Variants in BNC2 observed in about 807,000 individuals in gnomAD.
The protein encoded by BNC2 is basonuclin zinc finger protein 2, also known as zinc finger protein basonuclin-2.
BNC2 carries 20 observed loss-of-function variants against 76.3 expected under a neutral mutation model. That is an observed-to-expected ratio of 0.26 (90% CI 0.18 to 0.38). The LOEUF (loss-of-function observed/expected upper bound fraction) is 0.38. Ranked by LOEUF, BNC2 falls within the 10% of genes least tolerant of loss-of-function variation. BNC2 has a pLI of 1.00. For synonymous variants in BNC2, 582 were observed against 514.8 expected, an observed-to-expected ratio of 1.13 and a Z score of -1.77; for missense variants, 1,382 against 1,399.8, an observed-to-expected ratio of 0.99 and a Z score of 0.20.
chr9:16,782,439 C>G (rs1826180232), intron 1 of BNC2, among the ~76,000 whole-genome samples: 2 of 151,964 alleles, frequency 1.3e-5, no homozygotes, highest in Admixed American at 6.6e-5. Context: ...TTTTCTGAGC[C>G]AAAATGAGAG....
At chr9:16,618,181 G>A (rs1164973405) in intron 3 of BNC2, among the ~76,000 whole-genome samples, 1 of 152,136 alleles carries the variant, frequency 6.6e-6, no homozygotes, top group African/African-American at 2.4e-5. Context: ...GGACTGGTTG[G>A]CTACACTGGC....
intron 3 of BNC2, among the ~76,000 whole-genome samples, chr9:16,681,387 G>C (rs561667587): frequency 6.6e-6 from 1 of 152,154 alleles, no homozygotes; most frequent in Non-Finnish European, 1.5e-5. Flanking sequence ...TATTGCTTGT[G>C]TGTCCCTGGC....
At chr9:16,501,441 A>G (rs1822515374) in intron 5 of BNC2, among the ~76,000 whole-genome samples, 2 of 152,152 alleles carry the variant, frequency 1.3e-5, no homozygotes. Context: ...AACACTTTTC[A>G]TACATTTTAC....
chr9:16,742,533 T>A (rs61238834), intron 1 of BNC2, among the ~76,000 whole-genome samples: 1 of 152,120 alleles, frequency 6.6e-6, no homozygotes, highest in East Asian at 1.9e-4. Flanking sequence ...GACAAAGACA[T>A]TCATCTACTA....
intron 5 of BNC2, among the ~76,000 whole-genome samples, chr9:16,515,683 G>A (rs777015150): frequency 3.5e-4 from 52 of 149,306 alleles, no homozygotes; most frequent in Non-Finnish European, 6.8e-4. Context: ...TGTCTCTGCA[G>A]TGAGTTCACT....
At chr9:16,444,626 G>C (rs1821194463) in intron 5 of BNC2, among the ~76,000 whole-genome samples, 1 of 152,124 alleles carries the variant, frequency 6.6e-6, no homozygotes, top group Non-Finnish European at 1.5e-5. Flanking sequence ...TCAGCAAATG[G>C]AAAACTCCTA....
chr9:16,734,632 C>T (rs887130454), intron 2 of BNC2, among the ~76,000 whole-genome samples: 1 of 152,168 alleles, frequency 6.6e-6, no homozygotes, highest in Non-Finnish European at 1.5e-5. Flanking sequence ...AAAGGCATGC[C>T]TTCAGTTTTC....
intron 1 of BNC2, among the ~76,000 whole-genome samples, chr9:16,793,868 GT>G (rs1188831320): frequency 1.1e-4 from 13 of 115,914 alleles, no homozygotes; most frequent in South Asian, 5.7e-4. Flanking sequence ...TTGTTTTTTT[GT>G]TTTTTTTTTT....
chr9:16,666,668 C>G (rs558012722), intron 3 of BNC2, among the ~76,000 whole-genome samples: 9 of 152,310 alleles, frequency 5.9e-5, no homozygotes, highest in African/African-American at 2.2e-4. Flanking sequence ...CAACACACAT[C>G]CAGCAGACCT....
chr9:16,481,354 T>G (rs1249755043), intron 5 of BNC2, among the ~76,000 whole-genome samples: 1 of 152,098 alleles, frequency 6.6e-6, no homozygotes, highest in Admixed American at 6.5e-5. Context: ...CTTTGTTCTT[T>G]CGCTCCTTGC....
intron 5 of BNC2, among the ~76,000 whole-genome samples, chr9:16,533,091 GGAAAAAGAA>G (rs1818030275): frequency 6.6e-6 from 1 of 151,966 alleles, no homozygotes; most frequent in South Asian, 2.1e-4. Flanking sequence ...TACCCTTGTG[GGAAAAAGAA>G]GAGAAAGAGA....
intron 1 of BNC2, among the ~76,000 whole-genome samples, chr9:16,866,428 G>A (rs138525858): frequency 0.013 from 1,933 of 152,030 alleles, 42 homozygotes; most frequent in African/African-American, 0.044. Flanking sequence ...CCACTTCTCG[G>A]TGATTTCGTA....
intron 3 of BNC2, among the ~76,000 whole-genome samples, chr9:16,714,398 T>G (rs186659771): frequency 1.7e-4 from 26 of 152,358 alleles, no homozygotes; most frequent in African/African-American, 6.3e-4. Context: ...AATTCCCAGT[T>G]GAAAGGTTTC....
intron 5 of BNC2, among the ~76,000 whole-genome samples, chr9:16,476,623 A>C (rs941497106): frequency 2.6e-5 from 4 of 151,742 alleles, no homozygotes; most frequent in African/African-American, 9.7e-5. Flanking sequence ...CTAGTCTGTA[A>C]GCTCCAAGAA....
chr9:16,771,253 C>T (rs1270924217), intron 1 of BNC2, among the ~76,000 whole-genome samples: 1 of 152,168 alleles, frequency 6.6e-6, no homozygotes, highest in Admixed American at 6.6e-5. Flanking sequence ...GGCACTGAGT[C>T]TAACAGACGT....
At position 16,488,942 on chromosome 9, in the gene BNC2, C is replaced by G. The variant is rs936020837; in HGVS notation, c.670-51418G>C. 3.3e-5 allele frequency among the ~76,000 whole-genome samples: 5 copies of G among 152,178 alleles called. 1 individual carries two copies. Among genetic ancestry groups the G allele is most frequent in the Admixed American group, 2.6e-4 (4 of 15,282 alleles). On this transcript the variant is annotated intron_variant, in intron 5 of 6. Transcript: ENST00000380672. The stretch of plus-strand genomic sequence containing the variant: ...TATGTTTCAGTCATTGCTAATCACT[C>G]TGCTTTCCAAAATGCCTAGTAAGCT...
At chr9:16,556,136 C>A (rs573637092) in intron 4 of BNC2, among the ~76,000 whole-genome samples, 1 of 151,958 alleles carries the variant, frequency 6.6e-6, no homozygotes, top group African/African-American at 2.4e-5. Flanking sequence ...CCTGTCTCTA[C>A]AAAAAAATAA....
At chr9:16,604,616 G>A (rs1820329057) in intron 3 of BNC2, among the ~76,000 whole-genome samples, 1 of 152,068 alleles carries the variant, frequency 6.6e-6, no homozygotes, top group South Asian at 2.1e-4. Context: ...GGCCAACATG[G>A]CAAAACCGCA....
intron 1 of BNC2, among the ~76,000 whole-genome samples, chr9:16,808,418 C>G (rs1817963339): frequency 6.7e-6 from 1 of 150,048 alleles, no homozygotes; most frequent in Admixed American, 6.6e-5. Flanking sequence ...GCCCTGGAAT[C>G]ACACCAACCT....
Sources: gnomAD v4.1 joint callset for allele counts (sites outside exome capture counted in the v4.1 genomes callset) on GRCh38, gnomAD v4.1.1 for gene constraint, MANE v1.5 for transcripts, NCBI Gene and HGNC (gene_info 2026-07-23, HGNC 2026-07-21) for gene names.